LACRT: variants seen among roughly 807,000 people sequenced by gnomAD.
The protein encoded by LACRT is lacritin, also known as extracellular glycoprotein lacritin.
A neutral mutation model predicts 14.5 loss-of-function variants in LACRT; 14 were observed. That is an observed-to-expected ratio of 0.96 (90% confidence interval 0.64 to 1.51). The LOEUF (loss-of-function observed/expected upper bound fraction) is 1.51, where lower values mean the gene tolerates loss of function less well. Ranked by LOEUF, LACRT falls within the 40% of genes most tolerant of loss-of-function variation. LACRT has a pLI of 0.00. For missense variants in LACRT, 156 were observed against 161.8 expected, an observed-to-expected ratio of 0.96 and a Z score of 0.19; for synonymous variants, 70 against 63.5, an observed-to-expected ratio of 1.10 and a Z score of -0.48.
chr12:54,633,795 C>G (rs1381784293), intron 1 of LACRT, among the ~76,000 whole-genome samples: 3 of 152,268 alleles, frequency 2.0e-5, no homozygotes, highest in African/African-American at 7.2e-5. Flanking sequence ...TGTGACAGTG[C>G]TGGAAGGGAA....
intron 1 of LACRT, among the ~76,000 whole-genome samples, chr12:54,634,085 G>T (rs953066132): frequency 6.6e-6 from 1 of 152,072 alleles, no homozygotes; most frequent in African/African-American, 2.4e-5. Flanking sequence ...GGGCACGGTG[G>T]CTCACGCCTG....
rs1220780378 is a variant in LACRT, at chr12:54,634,782, A to G, written c.58+2T>C. The G allele has an allele frequency of 6.2e-7, 1 of 1,613,522 alleles. No individual in the cohort carries two copies. Among genetic ancestry groups the G allele is most frequent in the East Asian group, 2.2e-5 (1 of 44,872 alleles). Reference sequence around the variant, plus strand: ...GGGGCGCAGAGGAAAGGCCATACTCACCAGCATAGACCAGGGCCCCTGCTA... The same window carrying G: ...GGGGCGCAGAGGAAAGGCCATACTCGCCAGCATAGACCAGGGCCCCTGCTA... On this transcript the variant is annotated splice_donor_variant, in intron 1 of 4. Coordinates refer to ENST00000257867, the MANE Select transcript of LACRT (RefSeq NM_033277.2). LOFTEE classifies it high-confidence loss of function.
rs770893578 is a variant in LACRT, at chr12:54,634,794, C to T, written c.48G>A (p.Leu16=). ...LLFLAAVAGA[L]VYAEDASSDS... ...AAAGGCCATACTCACCAGCATAGAC[C>T]AGGGCCCCTGCTACAGCTGCCAAGA... is the stretch of plus-strand genomic sequence containing the variant. The change falls in exon 1 of 5, where the codon CTG becomes CTA. Residue 16 remains leucine (L), a synonymous_variant. Transcript: ENST00000257867. 3.1e-6 allele frequency: 5 copies of T among 1,613,924 alleles called. No homozygotes were observed. The highest frequency in any genetic ancestry group is 2.5e-6 in the Non-Finnish European group (3 of 1,179,856).
intron 2 of LACRT, 69 bp downstream of exon 2, chr12:54,633,111 C>T: frequency 6.8e-7 from 1 of 1,467,488 alleles, no homozygotes; most frequent in Non-Finnish European, 9.6e-7. Context: ...TTCTCCCAGC[C>T]ACCACTCACA....
In LACRT at chr12:54,633,181, G is replaced by A. The variant is rs1308950299; in HGVS notation, c.111C>T (p.Thr37=). 3 of 1,613,764 alleles carry A rather than the reference G, an allele frequency of 1.9e-6. No homozygotes were observed. In the African/African-American group the frequency reaches 4.0e-5, roughly 22 times the overall value. The change falls in exon 2 of 5, where the codon ACC becomes ACT. Residue 37 remains threonine (T), a splice_region_variant and synonymous_variant. Transcript: ENST00000257867. ...GGCAGCAGGGAGAGGAGGACTCACAGGTCCCAGCTTCCTGGGCAGGATCAG... is the reference window on the plus strand; with the variant it reads ...GGCAGCAGGGAGAGGAGGACTCACAAGTCCCAGCTTCCTGGGCAGGATCAG... ...TGADPAQEAG[T]SKPNEEISGP... is the part of the protein sequence containing the mutation.
rs749233221 is a variant in LACRT, at chr12:54,632,307, T to C, written c.187A>G (p.Thr63Ala). The change falls in exon 3 of 5, where the codon ACT (threonine) becomes GCT (alanine). Residue 63 changes from threonine to alanine, a missense_variant. Thr to Ala is a moderately conservative substitution (Grantham distance 58). Transcript: ENST00000257867. ...GTCCCCTGAACTGCTGCCGCCGAAG[T>C]CTCCTGGGCTGTTGTGGTTGTCTCT... ...PPETTTTAQE[T>A]SAAAVQGTAK... 8 of 1,614,132 alleles carry C rather than the reference T, an allele frequency of 5.0e-6. No individual in the cohort carries two copies. The South Asian group carries it at 7.7e-5, about 16-fold the overall frequency.
chr12:54,634,595 C>T (rs1262227722), intron 1 of LACRT, among the ~76,000 whole-genome samples, 189 bp downstream of exon 1: 1 of 152,098 alleles, frequency 6.6e-6, no homozygotes, highest in African/African-American at 2.4e-5. Flanking sequence ...AGGCAGAGGC[C>T]AGAGAGTTCT....
At position 54,633,271 on chromosome 12, in the gene LACRT, C is replaced by T. The variant is rs371709411; in HGVS notation, c.59-38G>A. On this transcript the variant is annotated intron_variant, in intron 1 of 4. Coordinates refer to ENST00000257867, the MANE Select transcript of LACRT (RefSeq NM_033277.2). ...AAACATGCCAGATGAGAGCAAGGAC[C>T]GAACCGGACCTACTCGAGCCACCCT... 58 of 1,593,256 alleles carry T rather than the reference C, an allele frequency of 3.6e-5. 1 individual carries two copies. The highest frequency in any genetic ancestry group is 2.1e-4 in the African/African-American group (16 of 74,590).
rs184297782 is a variant in LACRT at position 54,630,936 on chromosome 12, G to C, written c.373C>G (p.Gln125Glu). The C allele has an allele frequency of 1.2e-6, 2 of 1,611,432 alleles. No homozygotes were observed. The highest frequency in any genetic ancestry group is 1.7e-6 in the Non-Finnish European group (2 of 1,178,110). The change falls in exon 5 of 5, where the codon CAA (glutamine) becomes GAA (glutamate). Residue 125 changes from glutamine (Q) to glutamate (E), a missense_variant. Physicochemically the swap from Gln to Glu is conservative, Grantham distance 29. Transcript: ENST00000257867. Reference sequence around the variant, plus strand: ...AGACTGAATTTCTTCAGTAATTTTTGTGCAAATTCACTTCCATCTAGAAGG... The same window carrying C: ...AGACTGAATTTCTTCAGTAATTTTTCTGCAAATTCACTTCCATCTAGAAGG... ...QFIENGSEFA[Q>E]KLLKKFSLLK...
chr12:54,633,650 C>T (rs542490164), intron 1 of LACRT, among the ~76,000 whole-genome samples: 2 of 152,136 alleles, frequency 1.3e-5, no homozygotes, highest in South Asian at 2.1e-4. Flanking sequence ...GCCTTGATTC[C>T]CTTTATTCTT....
intron 4 of LACRT, among the ~76,000 whole-genome samples, chr12:54,631,273 T>C (rs1356892620): frequency 2.0e-5 from 3 of 152,206 alleles, no homozygotes; most frequent in Non-Finnish European, 2.9e-5. Context: ...AGGGTCTTTC[T>C]CTGTCACCCA....
intron 1 of LACRT, among the ~76,000 whole-genome samples, chr12:54,634,009 T>C (rs1238479758): frequency 6.6e-6 from 1 of 151,926 alleles, no homozygotes; most frequent in Non-Finnish European, 1.5e-5. Flanking sequence ...ATCCTGATGT[T>C]CAAGGAACAG....
chr12:54,632,120 G>T, intron 3 of LACRT, 121 bp downstream of exon 3: 2 of 1,154,102 alleles, frequency 1.7e-6, no homozygotes, highest in Non-Finnish European at 2.5e-6. Flanking sequence ...GTGCCTTTGT[G>T]TTCAGCTGTT....
chr12:54,633,433 T>C (rs989011562), intron 1 of LACRT, among the ~76,000 whole-genome samples, 200 bp from the exon 2 acceptor site: 4 of 152,154 alleles, frequency 2.6e-5, no homozygotes, highest in Non-Finnish European at 5.9e-5. Context: ...CTCCTGTGGC[T>C]TTTGAAATAA....
At chr12:54,632,097 C>T (rs1958155828) in intron 3 of LACRT, 144 bp downstream of exon 3, 11 of 919,784 alleles carry the variant, frequency 1.2e-5, no homozygotes, top group South Asian at 3.3e-5. Flanking sequence ...GGGTGCAATG[C>T]ACAATCCCAT....
At chr12:54,632,967 T>G (rs1198261297) in intron 2 of LACRT, among the ~76,000 whole-genome samples, 2 of 152,178 alleles carry the variant, frequency 1.3e-5, no homozygotes. Flanking sequence ...CTCCCTATTG[T>G]CCTTGCCTCT....
At chr12:54,631,956 A>G (rs1452491512) in intron 3 of LACRT, 117 bp from the exon 4 acceptor site, 1 of 535,144 alleles carries the variant, frequency 1.9e-6, no homozygotes, top group Non-Finnish European at 3.2e-6. Flanking sequence ...CATCATCCCT[A>G]CAGAAAGTCC....
At position 54,631,679 on chromosome 12, in the gene LACRT, C is replaced by T. The variant is rs550192180; in HGVS notation, c.355+59G>A. Reference sequence around the variant, plus strand: ...CAAGTTCTGTCCCATATCCCACCCCCGGATGGTGGGTGGTGAGTATTCTCA... The same window carrying T: ...CAAGTTCTGTCCCATATCCCACCCCTGGATGGTGGGTGGTGAGTATTCTCA... On this transcript the variant is annotated intron_variant, in intron 4 of 4. Coordinates refer to ENST00000257867, the MANE Select transcript of LACRT (RefSeq NM_033277.2). 33 of 1,300,904 alleles carry T rather than the reference C, an allele frequency of 2.5e-5. 1 individual carries two copies. Among genetic ancestry groups the T allele is most frequent in the East Asian group, 9.2e-5 (4 of 43,408 alleles). The allele number at this position is 1,300,904 out of a possible 1,614,324, so 80.6% of individuals were successfully genotyped here.
Position 54,631,856 on chromosome 12 carries a change from A to T in LACRT, c.254-17T>A. Reference sequence around the variant, plus strand: ...CTATGGATTCTAATTTTGGAGCAGAACAATCACATCAGCAGAAAAATCACC... The same window carrying T: ...CTATGGATTCTAATTTTGGAGCAGATCAATCACATCAGCAGAAAAATCACC... On this transcript the variant is annotated splice_polypyrimidine_tract_variant and intron_variant, in intron 3 of 4. Coordinates refer to ENST00000257867, the MANE Select transcript of LACRT (RefSeq NM_033277.2). The T allele has an allele frequency of 6.4e-7, 1 of 1,572,278 alleles. No homozygotes were observed. Among genetic ancestry groups the T allele is most frequent in the Non-Finnish European group, 8.8e-7 (1 of 1,141,928 alleles).
Sources: gnomAD v4.1 joint callset for allele counts (sites outside exome capture counted in the v4.1 genomes callset) on GRCh38, gnomAD v4.1.1 for gene constraint, MANE v1.5 for transcripts, NCBI Gene and HGNC (gene_info 2026-07-23, HGNC 2026-07-21) for gene names.